The following NYNRIN variants were observed in gnomAD, a reference collection of about 807,000 sequenced individuals.
NYNRIN encodes NYN domain and retroviral integrase containing, also known as protein NYNRIN.
In NYNRIN, 86 loss-of-function variants were observed where a neutral mutation model predicts 146.6. The observed-to-expected ratio is 0.59, with a 90% CI of 0.49 to 0.70. NYNRIN has a LOEUF of 0.70. Among genes scored for constraint, NYNRIN ranks in the 30% least tolerant of loss-of-function variants. The pLI is 0.00. For missense variants in NYNRIN, 2,191 were observed against 2,377.7 expected, an observed-to-expected ratio of 0.92 and a Z score of 1.63; for synonymous variants, 1,027 against 1,001.3, an observed-to-expected ratio of 1.03 and a Z score of -0.48.
In NYNRIN at chr14:24,413,019, G is replaced by T; in HGVS notation, c.2665G>T (p.Glu889Ter). Residue 889 changes from glutamate to a stop codon, truncating the protein, a stop_gained, in exon 7 of 9, where the codon GAG becomes TAG. Transcript: ENST00000382554. LOFTEE classifies it high-confidence loss of function. Reference sequence around the variant, plus strand: ...CAGGTTCATGGTAAAGCTGGCAGAGGAGACAGATGGCATCATTGTCACCAA... The same window carrying T: ...CAGGTTCATGGTAAAGCTGGCAGAGTAGACAGATGGCATCATTGTCACCAA... ...DYRFMVKLAE[E>*]TDGIIVTNEQ... is the part of the protein sequence containing the mutation. 1 of 1,599,872 alleles carries T rather than the reference G, an allele frequency of 6.3e-7. No homozygotes were observed. The highest frequency in any genetic ancestry group is 1.1e-5 in the South Asian group (1 of 87,908).
At position 24,409,347 on chromosome 14, in the gene NYNRIN, C is replaced by A. The variant is rs375391398; in HGVS notation, c.1553C>A (p.Thr518Lys). ...GAGGGACCCGCTCCAGTGCTGCCAA[C>A]AGGGCAAGGGAAGCCCGTGGCTCAA... ...LEEGPAPVLP[T>K]GQGKPVAQGG... The change falls in exon 4 of 9, where the codon ACA becomes AAA. Residue 518 changes from threonine to lysine, a missense_variant. Thr to Lys is a moderately conservative substitution (Grantham distance 78). This residue lies in a region of NYNRIN where 895 missense variants were observed against 941.2 expected (regional missense o/e 0.95). Transcript: ENST00000382554. The A allele has an allele frequency of 6.2e-7, 1 of 1,614,074 alleles. No homozygotes were observed. Among genetic ancestry groups the A allele is most frequent in the Non-Finnish European group, 8.5e-7 (1 of 1,179,898 alleles).
chr14:24,402,051 G>A (rs2042847306), intron 2 of NYNRIN, among the ~76,000 whole-genome samples: 1 of 152,218 alleles, frequency 6.6e-6, no homozygotes, highest in South Asian at 2.1e-4. Context: ...TGATGGTGAG[G>A]GTGGCTTGTT....
At chr14:24,401,115 C>T (rs116511252) in intron 2 of NYNRIN, among the ~76,000 whole-genome samples, 369 of 152,270 alleles carry the variant, frequency 2.4e-3, no homozygotes, top group African/African-American at 8.5e-3. Flanking sequence ...GAGGTACCCC[C>T]GCCACCCCCT....
chr14:24,415,969 A>G lies in NYNRIN; in HGVS notation c.4220A>G (p.His1407Arg), dbSNP rs1461494086. 1 of 1,613,792 alleles carries G rather than the reference A, an allele frequency of 6.2e-7. No individual in the cohort carries two copies. The highest frequency in any genetic ancestry group is 2.2e-5 in the East Asian group (1 of 44,864). ...FLSSDGAPLP[H>R]PSLLSYIISL... ...TCCTCTGATGGGGCTCCACTCCCTC[A>G]CCCAAGCCTGCTCTCCTACATTATA... The change falls in exon 9 of 9, where the codon CAC becomes CGC. Residue 1407 changes from histidine (H) to arginine (R), a missense_variant. By Grantham distance (29) the His-to-Arg change is conservative. Coordinates refer to ENST00000382554, the MANE Select transcript of NYNRIN (RefSeq NM_025081.3).
In NYNRIN at chr14:24,417,812, A is replaced by T. The variant is rs2042959166; in HGVS notation, c.*366A>T. Reference sequence around the variant, plus strand: ...TGCACACACACTCACGAAAGAATCTATCTTGGCCATGAAACTGTGGCTGTT... The same window carrying T: ...TGCACACACACTCACGAAAGAATCTTTCTTGGCCATGAAACTGTGGCTGTT... On this transcript the variant is annotated 3_prime_UTR_variant, in exon 9 of 9. Transcript: ENST00000382554. 4.5e-6 allele frequency: 1 copy of T among 220,262 alleles called. No homozygotes were observed. Among genetic ancestry groups the T allele is most frequent in the East Asian group, 1.2e-4 (1 of 8,102 alleles). The allele number at this position is 220,262 out of a possible 1,614,324, so 13.6% of individuals were successfully genotyped here.
chr14:24,407,085 C>G (rs956598900), intron 2 of NYNRIN, among the ~76,000 whole-genome samples: 4 of 152,150 alleles, frequency 2.6e-5, no homozygotes, highest in African/African-American at 9.7e-5. Context: ...ACAGGTTGTG[C>G]TAGAGGCATT....
chr14:24,417,270 G>C lies in NYNRIN; in HGVS notation c.5521G>C (p.Gly1841Arg). The change falls in exon 9 of 9, where the codon GGC becomes CGC. Residue 1841 changes from glycine to arginine, a missense_variant. By Grantham distance (125) the Gly-to-Arg change is moderately radical. This residue lies in a region of NYNRIN where 1,291 missense variants were observed against 1,417.0 expected (regional missense o/e 0.91). Coordinates refer to ENST00000382554, the MANE Select transcript of NYNRIN (RefSeq NM_025081.3). ...QVLLLSLPRN[G>R]SSAKWVGPFY... is the part of the protein sequence containing the mutation. ...CCTTTTGCTGTCCCTCCCCAGGAAT[G>C]GCAGCAGTGCCAAATGGGTGGGTCC... The C allele has an allele frequency of 6.2e-7, 1 of 1,614,050 alleles. No individual in the cohort carries two copies. Among genetic ancestry groups the C allele is most frequent in the Non-Finnish European group, 8.5e-7 (1 of 1,179,894 alleles).
chr14:24,406,256 G>GAAATAAAAAAAATAAAATAAAAAAAAA, intron 2 of NYNRIN, among the ~76,000 whole-genome samples: 1 of 81,412 alleles, frequency 1.2e-5, no homozygotes, highest in South Asian at 4.1e-4. Flanking sequence ...TAAAATATTG[G>GAAATAAAAAAAATAAAATAAAAAAAAA]ACAGTTGATG....
At chr14:24,400,661 AC>A (rs923809980) in intron 2 of NYNRIN, among the ~76,000 whole-genome samples, 19 of 152,328 alleles carry the variant, frequency 1.2e-4, no homozygotes, top group Admixed American at 1.1e-3. Context: ...TGAGAGGAAG[AC>A]ATTTAGAAGC....
In NYNRIN at chr14:24,408,194, C is replaced by T. The variant is rs2042888015; in HGVS notation, c.524C>T (p.Ala175Val). 1 of 1,600,896 alleles carries T rather than the reference C, an allele frequency of 6.2e-7. No individual in the cohort carries two copies. The highest frequency in any genetic ancestry group is 8.5e-7 in the Non-Finnish European group (1 of 1,176,796). Residue 175 changes from alanine (A) to valine (V), a missense_variant, in exon 3 of 9, where the codon GCA (alanine) becomes GTA (valine). Coordinates refer to ENST00000382554, the MANE Select transcript of NYNRIN (RefSeq NM_025081.3). ...ALVWIRGDQH[A>V]GDLLQLPPAV... Reference sequence around the variant, plus strand: ...GTCTGGATCCGTGGTGACCAGCATGCAGGGGACCTACTGCAGCTGCCCCCA... The same window carrying T: ...GTCTGGATCCGTGGTGACCAGCATGTAGGGGACCTACTGCAGCTGCCCCCA...
rs755454445 is a variant in NYNRIN at position 24,399,213 on chromosome 14, C to T, written c.-17-17C>T. The T allele has an allele frequency of 6.2e-7, 1 of 1,605,772 alleles. No individual in the cohort carries two copies. Among genetic ancestry groups the T allele is most frequent in the Non-Finnish European group, 8.5e-7 (1 of 1,175,024 alleles). Reference sequence around the variant, plus strand: ...CGCCCCGAGACCCGGGTGACACTATCGTCTCCTTCGTTCCAGGAGCGGGCG... The same window carrying T: ...CGCCCCGAGACCCGGGTGACACTATTGTCTCCTTCGTTCCAGGAGCGGGCG... On this transcript the variant is annotated splice_polypyrimidine_tract_variant and intron_variant, in intron 1 of 8. Coordinates refer to ENST00000382554, the MANE Select transcript of NYNRIN (RefSeq NM_025081.3).
At position 24,408,531 on chromosome 14, in the gene NYNRIN, A is replaced by T; in HGVS notation, c.857+4A>T. On this transcript the variant is annotated splice_donor_region_variant and intron_variant, in intron 3 of 8. Coordinates refer to ENST00000382554, the MANE Select transcript of NYNRIN (RefSeq NM_025081.3). ...AGGCAGCAAACCAGCTGGTACGGTA[A>T]GTTCTGGAGAATGAGCCTGGCTTCT... 6.4e-7 allele frequency: 1 copy of T among 1,559,028 alleles called. No homozygotes were observed. Among genetic ancestry groups the T allele is most frequent in the Non-Finnish European group, 8.7e-7 (1 of 1,153,868 alleles).
rs746482703 is a variant in NYNRIN at position 24,409,216 on chromosome 14, G to A, written c.1422G>A (p.Ser474=). The A allele has an allele frequency of 2.0e-4, 328 of 1,613,762 alleles. 2 individuals are homozygous for A. The highest frequency in any genetic ancestry group is 2.0e-3 in the South Asian group (178 of 91,072). The change falls in exon 4 of 9, where the codon TCG becomes TCA. Residue 474 remains serine, a synonymous_variant. Coordinates refer to ENST00000382554, the MANE Select transcript of NYNRIN (RefSeq NM_025081.3). The part of the protein sequence containing the change: ...GSSDVKDKVS[S]DLPQIGPPLT... ...CAGATGTAAAAGACAAAGTTAGCTC[G>A]GATCTCCCACAGATAGGGCCACCCT...
Position 24,411,556 on chromosome 14 carries a change from G to T in NYNRIN, c.2642+106G>T, listed in dbSNP as rs959052397. 3.6e-5 allele frequency: 34 copies of T among 957,164 alleles called. No individual in the cohort carries two copies. The highest frequency in any genetic ancestry group is 1.3e-4 in the Admixed American group (7 of 53,406). 59.3% of individuals were successfully genotyped at this position (957,164 alleles called of 1,614,324 possible). On this transcript the variant is annotated intron_variant, in intron 6 of 8. Coordinates refer to ENST00000382554, the MANE Select transcript of NYNRIN (RefSeq NM_025081.3). This position sits in a 1 kb window ranked among gnomAD's most constrained non-coding sequence, Gnocchi z 4.3. The stretch of plus-strand genomic sequence containing the variant: ...TCTCTGGGGAAATGGAGGCAAACAT[G>T]TTGGGGGTGTCGGTTGTGCAGAGGG...
chr14:24,408,424 A>C lies in NYNRIN; in HGVS notation c.754A>C (p.Asn252His). 1 of 1,613,488 alleles carries C rather than the reference A, an allele frequency of 6.2e-7. No homozygotes were observed. Among genetic ancestry groups the C allele is most frequent in the South Asian group, 1.1e-5 (1 of 91,076 alleles). Residue 252 changes from asparagine (N) to histidine (H), a missense_variant, in exon 3 of 9, where the codon AAC (asparagine) becomes CAC (histidine). Transcript: ENST00000382554. ...CTTTGTGGACATGGGGACCCTCCAG[A>C]ACAGGGGCCCAGAAAATTCAAAGAG... Reference protein sequence around the residue: ...GPFVDMGTLQNRGPENSKRLS... With the variant: ...GPFVDMGTLQHRGPENSKRLS...
Position 24,409,192 on chromosome 14 carries a change from A to G in NYNRIN, c.1398A>G (p.Ser466=). Residue 466 remains serine (S), a synonymous_variant, in exon 4 of 9, where the codon TCA becomes TCG. Coordinates refer to ENST00000382554, the MANE Select transcript of NYNRIN (RefSeq NM_025081.3). ...GTTTATTGGTGGTCCCTGGGAGCTC[A>G]GATGTAAAAGACAAAGTTAGCTCGG... ...VTSLLVVPGS[S]DVKDKVSSDL... The G allele has an allele frequency of 6.2e-7, 1 of 1,613,924 alleles. No individual in the cohort carries two copies. Among genetic ancestry groups the G allele is most frequent in the South Asian group, 1.1e-5 (1 of 91,056 alleles).
intron 2 of NYNRIN, among the ~76,000 whole-genome samples, chr14:24,404,769 G>C (rs1239008176): frequency 2.0e-5 from 3 of 152,194 alleles, no homozygotes; most frequent in Non-Finnish European, 4.4e-5. Context: ...CCCTGGCCTG[G>C]AGGGTCAGGG....
chr14:24,409,048 GA>G lies in NYNRIN; in HGVS notation c.1256del (p.Lys419ArgfsTer50). 1.2e-6 allele frequency: 2 copies of G among 1,613,430 alleles called. No individual in the cohort carries two copies. The highest frequency in any genetic ancestry group is 1.7e-6 in the Non-Finnish European group (2 of 1,179,690). On this transcript the variant is annotated frameshift_variant, in exon 4 of 9. Coordinates refer to ENST00000382554, the MANE Select transcript of NYNRIN (RefSeq NM_025081.3). LOFTEE classifies it high-confidence loss of function. ...PLPLNLEWKQKELAPLPSAES... is the reference protein window; with the variant it reads ...PLPLNLEWKQXELAPLPSAES... ...TGCCCTTAAATCTGGAGTGGAAGCA[GA>G]AGGAGCTGGCTCCTCTGCCTAGTGC...
In NYNRIN at chr14:24,417,004, C is replaced by T; in HGVS notation, c.5255C>T (p.Ser1752Phe). 6.3e-7 allele frequency: 1 copy of T among 1,592,222 alleles called. No individual in the cohort carries two copies. Among genetic ancestry groups the T allele is most frequent in the Middle Eastern group, 1.7e-4 (1 of 5,950 alleles). The change falls in exon 9 of 9, where the codon TCC becomes TTC. Residue 1752 changes from serine (S) to phenylalanine (F), a missense_variant. By Grantham distance (155) the Ser-to-Phe change is radical (BLOSUM62 -2). Coordinates refer to ENST00000382554, the MANE Select transcript of NYNRIN (RefSeq NM_025081.3). The part of the protein sequence containing the change: ...PLLHLAFRAS[S>F]TDATPFKVLT... ...CTGCACCTGGCCTTCAGGGCCTCCT[C>T]CACTGATGCCACACCGTTCAAGGTC...
Sources: allele counts gnomAD v4.1 joint callset (sites outside exome capture counted in the v4.1 genomes callset), GRCh38; gene constraint gnomAD v4.1.1; regional missense constraint gnomAD v4.1.1; non-coding constraint Gnocchi (gnomAD v3.1); transcripts MANE v1.5; gene names NCBI Gene and HGNC (gene_info 2026-07-23, HGNC 2026-07-21).